The following TOMM70 variants were observed in gnomAD, a reference collection of about 807,000 sequenced individuals.
TOMM70 encodes mitochondrial import receptor subunit TOM70.
TOMM70 carries 13 observed loss-of-function variants against 73.6 expected under a neutral mutation model. The observed-to-expected ratio is 0.18, with a 90% CI of 0.11 to 0.28. The LOEUF (loss-of-function observed/expected upper bound fraction) is 0.28, where lower values mean the gene tolerates loss of function less well. TOMM70 is among the 10% of genes least tolerant of loss of function. TOMM70 has a pLI of 1.00. For missense variants in TOMM70, 609 were observed against 747.5 expected (o/e 0.81, Z 2.16); for synonymous variants, 257 against 271.2 (o/e 0.95, Z 0.51).
chr3:100,394,366 T>C (rs1706796875), intron 1 of TOMM70, among the ~76,000 whole-genome samples: 1 of 80,936 alleles, frequency 1.2e-5, no homozygotes, highest in Admixed American at 1.3e-4. Flanking sequence ...TTACTTTTTC[T>C]TTTTTTTTTT....
In TOMM70 at chr3:100,372,606, C is replaced by A; in HGVS notation, c.1452G>T (p.Gln484His). 6.3e-7 allele frequency: 1 copy of A among 1,597,512 alleles called. No homozygotes were observed. The highest frequency in any genetic ancestry group is 8.5e-7 in the Non-Finnish European group (1 of 1,173,544). ...RCAEGYALYA[Q>H]ALTDQQQFGK... ...TTAAAAAACCTGAAAAAACATTTACCTGGGCGTATAGTGCATAGCCTTCGG... is the reference window on the plus strand; with the variant it reads ...TTAAAAAACCTGAAAAAACATTTACATGGGCGTATAGTGCATAGCCTTCGG... The change falls in exon 9 of 12, where the codon CAG becomes CAT. Residue 484 changes from glutamine (Q) to histidine (H), a missense_variant and splice_region_variant. Physicochemically the swap from Gln to His is conservative, Grantham distance 24 (BLOSUM62 0). Transcript: ENST00000284320.
intron 1 of TOMM70, among the ~76,000 whole-genome samples, chr3:100,391,692 C>T (rs552017152): frequency 2.6e-5 from 4 of 152,204 alleles, no homozygotes; most frequent in African/African-American, 9.6e-5. Flanking sequence ...CCACCTTAGC[C>T]TTCCAAGTAG....
In TOMM70 at chr3:100,372,628, T is replaced by C. The variant is rs750026792; in HGVS notation, c.1430A>G (p.Glu477Gly). ...EVIKKFPRCA[E>G]GYALYAQALT... ...TACCTGGGCGTATAGTGCATAGCCTTCGGCACACCTTGGAAATTTCTTTAT... is the reference window on the plus strand; with the variant it reads ...TACCTGGGCGTATAGTGCATAGCCTCCGGCACACCTTGGAAATTTCTTTAT... Residue 477 changes from glutamate to glycine, a missense_variant, in exon 9 of 12, where the codon GAA becomes GGA. Transcript: ENST00000284320. The C allele has an allele frequency of 6.2e-7, 1 of 1,614,062 alleles. No homozygotes were observed. The highest frequency in any genetic ancestry group is 1.1e-5 in the South Asian group (1 of 91,068).
In TOMM70 at chr3:100,386,317, A is replaced by G; in HGVS notation, c.526T>C (p.Cys176Arg). ...GGATTAAGTTCAACAGCTTTTGTAC[A>G]GTCTTGTGCCACTTCTTTCCATTTT... ...LQKWKEVAQD[C>R]TKAVELNPKY... The change falls in exon 3 of 12, where the codon TGT becomes CGT. Residue 176 changes from cysteine to arginine, a missense_variant. Physicochemically the swap from Cys to Arg is radical, Grantham distance 180. Coordinates refer to ENST00000284320, the MANE Select transcript of TOMM70 (RefSeq NM_014820.5). 6.2e-7 allele frequency: 1 copy of G among 1,606,336 alleles called. No homozygotes were observed. The highest frequency in any genetic ancestry group is 8.5e-7 in the Non-Finnish European group (1 of 1,177,120).
At chr3:100,370,766 CTG>C (rs1225375238) in intron 9 of TOMM70, among the ~76,000 whole-genome samples, 4 of 152,174 alleles carry the variant, frequency 2.6e-5, no homozygotes, top group African/African-American at 7.2e-5. Flanking sequence ...TGCAAACTGA[CTG>C]TAATAATGCT....
intron 7 of TOMM70, 44 bp from the exon 8 acceptor site, chr3:100,373,689 T>G: frequency 1.5e-6 from 1 of 652,468 alleles, no homozygotes. Context: ...ACTAGTCCAG[T>G]TAAGTATGTT....
At position 100,365,331 on chromosome 3, in the gene TOMM70, C is replaced by G; in HGVS notation, c.*233G>C. ...TCTTTGCAACTTTATTTAAAAATCC[C>G]TTTAACATGTTCTAATCTTTTGTTG... On this transcript the variant is annotated 3_prime_UTR_variant, in exon 12 of 12. Transcript: ENST00000284320. The G allele has an allele frequency of 2.1e-6, 1 of 479,762 alleles. No homozygotes were observed. The highest frequency in any genetic ancestry group is 3.6e-6 in the Non-Finnish European group (1 of 278,762). The allele number at this position is 479,762 out of a possible 1,614,324, so 29.7% of individuals were successfully genotyped here.
At position 100,386,013 on chromosome 3, in the gene TOMM70, G is replaced by T. The variant is rs144872343; in HGVS notation, c.625+205C>A. Among the ~76,000 whole-genome samples, 35 of 152,226 alleles carry T rather than the reference G, an allele frequency of 2.3e-4. No homozygotes were observed. In the East Asian group the frequency reaches 4.8e-3, roughly 21 times the overall value. On this transcript the variant is annotated intron_variant, in intron 3 of 11. Transcript: ENST00000284320. ...AGTACATAAACTCCTAATCTTAATAGTCATTTAATTCCATAGTTGAGAACA... is the reference window on the plus strand; with the variant it reads ...AGTACATAAACTCCTAATCTTAATATTCATTTAATTCCATAGTTGAGAACA...
chr3:100,376,185 T>C (rs1015344033), intron 6 of TOMM70, among the ~76,000 whole-genome samples: 2 of 152,148 alleles, frequency 1.3e-5, no homozygotes, highest in African/African-American at 2.4e-5. Context: ...CATTTGTATA[T>C]TCTTTGGAGA....
At chr3:100,378,051 C>G (rs1266361776) in intron 5 of TOMM70, 139 bp from the exon 6 acceptor site, 1 of 641,576 alleles carries the variant, frequency 1.6e-6, no homozygotes, top group Admixed American at 2.9e-5. Flanking sequence ...TCGAGACCAG[C>G]CTGGCCAACA....
Position 100,368,051 on chromosome 3 carries a change from C to T in TOMM70, c.1666G>A (p.Val556Ile), listed in dbSNP as rs1306989616. ...FAYETMGTIEVQRGNMEKAID... is the reference protein window; with the variant it reads ...FAYETMGTIEIQRGNMEKAID... ...ACAGACTCCAGAAGTTACCTTTGTA[C>T]TTCAATAGTTCCCATGGTTTCATAG... Residue 556 changes from valine to isoleucine, a missense_variant, in exon 11 of 12, where the codon GTA becomes ATA. This residue lies in a region of TOMM70 where 432 missense variants were observed against 584.1 expected (regional missense o/e 0.74). Transcript: ENST00000284320. The T allele has an allele frequency of 1.9e-6, 3 of 1,613,078 alleles. No homozygotes were observed. Among genetic ancestry groups the T allele is most frequent in the African/African-American group, 2.7e-5 (2 of 74,870 alleles).
intron 9 of TOMM70, among the ~76,000 whole-genome samples, chr3:100,371,109 A>C (rs1224230711): frequency 1.3e-5 from 2 of 152,144 alleles, no homozygotes; most frequent in Non-Finnish European, 2.9e-5. Context: ...TCCAACACAA[A>C]TCAATTTTCT....
chr3:100,373,549 A>C lies in TOMM70; in HGVS notation c.1324T>G (p.Cys442Gly). Reference sequence around the variant, plus strand: ...AAAGTAGTACCTACCAATGCAAAACATTTCTGTGCTTGTGCCAGAGCAGAC... The same window carrying C: ...AAAGTAGTACCTACCAATGCAAAACCTTTCTGTGCTTGTGCCAGAGCAGAC... ...PESALAQAQKCFALYRQAYTG... is the reference protein window; with the variant it reads ...PESALAQAQKGFALYRQAYTG... The change falls in exon 8 of 12, where the codon TGT (cysteine) becomes GGT (glycine). Residue 442 changes from cysteine to glycine, a missense_variant. Around this residue, in one of 2 missense-constraint regions of TOMM70, gnomAD observed 432 missense variants for 584.1 expected, o/e 0.74. Coordinates refer to ENST00000284320, the MANE Select transcript of TOMM70 (RefSeq NM_014820.5). 1 of 1,605,470 alleles carries C rather than the reference A, an allele frequency of 6.2e-7. No homozygotes were observed. Among genetic ancestry groups the C allele is most frequent in the Non-Finnish European group, 8.5e-7 (1 of 1,176,980 alleles).
chr3:100,375,566 A>G (rs181560040), intron 6 of TOMM70, among the ~76,000 whole-genome samples: 2 of 152,310 alleles, frequency 1.3e-5, no homozygotes, highest in Admixed American at 1.3e-4. Context: ...TGTAGCATGT[A>G]TCAGTTTTTC....
At chr3:100,372,357 G>C (rs1326873458) in intron 9 of TOMM70, 2 of 357,666 alleles carry the variant, frequency 5.6e-6, no homozygotes, top group Non-Finnish European at 1.0e-5. Flanking sequence ...CAATCCAAAT[G>C]AAGACAGGAG....
intron 5 of TOMM70, 122 bp from the exon 6 acceptor site, chr3:100,378,034 C>G: frequency 1.3e-6 from 1 of 753,286 alleles, no homozygotes; most frequent in South Asian, 1.8e-5. Flanking sequence ...ATCACGAGGT[C>G]AGGCATTCGA....
intron 1 of TOMM70, among the ~76,000 whole-genome samples, chr3:100,393,250 A>C (rs1706783566): frequency 6.6e-6 from 1 of 152,202 alleles, no homozygotes; most frequent in South Asian, 2.1e-4. Flanking sequence ...TACCCATGGA[A>C]TACTACTCGG....
chr3:100,368,208 A>G lies in TOMM70; in HGVS notation c.1551-42T>C, dbSNP rs758158660. 2.5e-6 allele frequency: 4 copies of G among 1,595,462 alleles called. No individual in the cohort carries two copies. The African/African-American group carries it at 5.4e-5, about 22-fold the overall frequency. ...ATGTCAGATGTGACCATGGCCCAGT[A>G]TCAGTAGGAATACACACACATTAAT... On this transcript the variant is annotated intron_variant, in intron 10 of 11. Coordinates refer to ENST00000284320, the MANE Select transcript of TOMM70 (RefSeq NM_014820.5).
rs551605400 is a variant in TOMM70 at position 100,394,560 on chromosome 3, A to G, written c.324+6066T>C. 1.3e-5 allele frequency among the ~76,000 whole-genome samples: 2 copies of G among 152,106 alleles called. 1 individual carries two copies. Among genetic ancestry groups the G allele is most frequent in the African/African-American group, 4.8e-5 (2 of 41,508 alleles). ...GCTCTGTCACCCAGGCTGGAGTGCA[A>G]TGGCAGGATCTCAGCTCATTGCAAC... is the stretch of plus-strand genomic sequence containing the variant. On this transcript the variant is annotated intron_variant, in intron 1 of 11. Transcript: ENST00000284320.
Sources: allele counts gnomAD v4.1 joint callset (sites outside exome capture counted in the v4.1 genomes callset), GRCh38; gene constraint gnomAD v4.1.1; regional missense constraint gnomAD v4.1.1; transcripts MANE v1.5; gene names NCBI Gene and HGNC (gene_info 2026-07-23, HGNC 2026-07-21).